The following WDR70 variants were observed in gnomAD, a reference collection of about 807,000 sequenced individuals.
WDR70 encodes the protein WD repeat domain 70.
WDR70 carries 53 observed loss-of-function variants against 88.6 expected under a neutral mutation model. The observed-to-expected ratio is 0.60, with a 90% CI of 0.48 to 0.75. The LOEUF (loss-of-function observed/expected upper bound fraction) is 0.75. WDR70 is among the 30% of genes least tolerant of loss of function. The pLI is 0.00. For missense variants in WDR70, 610 were observed against 823.2 expected (o/e 0.74, Z 3.17); for synonymous variants, 280 against 270.0 (o/e 1.04, Z -0.36).
intron 10 of WDR70, among the ~76,000 whole-genome samples, chr5:37,650,017 G>A (rs1745354427): frequency 1.9e-5 from 1 of 53,068 alleles, no homozygotes; most frequent in African/African-American, 3.7e-5. Flanking sequence ...GATTACAGGC[G>A]TGAGCCACTG....
chr5:37,721,189 C>G lies in WDR70; in HGVS notation c.1491C>G (p.Val497=). The change falls in exon 14 of 18, where the codon GTC becomes GTG. Residue 497 remains valine (V), a synonymous_variant. Transcript: ENST00000265107. ...GAACTGGAAATGGATTGGCTAAAGT[C>G]TATTACGACCCCAACAAGAGTCAGA... The part of the protein sequence containing the change: ...MVGTGNGLAK[V]YYDPNKSQRG... 6.2e-7 allele frequency: 1 copy of G among 1,613,652 alleles called. No individual in the cohort carries two copies. The highest frequency in any genetic ancestry group is 1.1e-5 in the South Asian group (1 of 91,074).
chr5:37,712,270 C>T (rs143760427), intron 13 of WDR70, among the ~76,000 whole-genome samples: 4,794 of 152,230 alleles, frequency 0.031, 100 homozygotes, highest in Middle Eastern at 0.11. Context: ...GGATTACAGG[C>T]GAGAGCCACC....
intron 8 of WDR70, among the ~76,000 whole-genome samples, chr5:37,514,442 A>G (rs1303612053): frequency 1.4e-5 from 2 of 147,586 alleles, no homozygotes; most frequent in African/African-American, 5.0e-5. Flanking sequence ...GGTTTGTTAT[A>G]TAGGTAAATG....
intron 9 of WDR70, among the ~76,000 whole-genome samples, chr5:37,557,947 T>TTTGAAAACTCTTCAAAAGAGTA (rs1742348813): frequency 6.6e-6 from 1 of 151,202 alleles, no homozygotes; most frequent in African/African-American, 2.4e-5. Context: ...TGAATACTCT[T>TTTGAAAACTCTTCAAAAGAGTA]CAAAAGAGTA....
chr5:37,678,613 A>C (rs1420687797), intron 10 of WDR70, among the ~76,000 whole-genome samples: 1 of 152,154 alleles, frequency 6.6e-6, no homozygotes, highest in African/African-American at 2.4e-5. Context: ...TGTTAGTCTG[A>C]TGGGCTTCCC....
chr5:37,622,090 C>G (rs7380215), intron 10 of WDR70, among the ~76,000 whole-genome samples: 70,636 of 151,612 alleles, frequency 0.47, 17,921 homozygotes, highest in Non-Finnish European at 0.57. Context: ...TGGTCTATAT[C>G]TCTGTTTTGG....
intron 17 of WDR70, among the ~76,000 whole-genome samples, chr5:37,738,378 ATGCTTTTT>A (rs1748366841): frequency 6.6e-6 from 1 of 152,158 alleles, no homozygotes; most frequent in Non-Finnish European, 1.5e-5. Flanking sequence ...AGCTCACTTT[ATGCTTTTT>A]GAAGGAATCA....
At chr5:37,619,756 G>A (rs1744453363) in intron 10 of WDR70, among the ~76,000 whole-genome samples, 1 of 150,728 alleles carries the variant, frequency 6.6e-6, no homozygotes, top group African/African-American at 2.4e-5. Context: ...TTTTTGTTTT[G>A]TTTTGTTTTT....
At chr5:37,619,667 CT>C (rs1744450982) in intron 10 of WDR70, among the ~76,000 whole-genome samples, 1 of 152,076 alleles carries the variant, frequency 6.6e-6, no homozygotes, top group African/African-American at 2.4e-5. Flanking sequence ...TTCATTGCAA[CT>C]GGAGAAGTGA....
intron 8 of WDR70, among the ~76,000 whole-genome samples, chr5:37,487,627 A>ATATATTTTTTTTT (rs1317924512): frequency 1.4e-5 from 1 of 69,070 alleles, no homozygotes; most frequent in African/African-American, 5.0e-5. Context: ...ATATATATGT[A>ATATATTTTTTTTT]TTTTTTTTTT....
At chr5:37,643,838 T>C (rs1447959412) in intron 10 of WDR70, among the ~76,000 whole-genome samples, 1 of 152,116 alleles carries the variant, frequency 6.6e-6, no homozygotes, top group East Asian at 1.9e-4. Context: ...TGATTTTGTA[T>C]CTTGCAAGTT....
chr5:37,706,403 G>C (rs1747321741), intron 13 of WDR70, among the ~76,000 whole-genome samples: 1 of 152,110 alleles, frequency 6.6e-6, no homozygotes. Flanking sequence ...ATCTCATCTT[G>C]AATTGTAGCT....
intron 9 of WDR70, among the ~76,000 whole-genome samples, chr5:37,559,858 A>C (rs1193011698): frequency 3.3e-5 from 5 of 152,056 alleles, no homozygotes; most frequent in African/African-American, 9.7e-5. Flanking sequence ...AAAAAAAAAA[A>C]AACTTTTTGA....
chr5:37,659,389 A>G (rs960393485), intron 10 of WDR70, among the ~76,000 whole-genome samples: 1 of 151,970 alleles, frequency 6.6e-6, no homozygotes, highest in African/African-American at 2.4e-5. Flanking sequence ...TCAGTTTCCA[A>G]TAGATTTTGT....
At chr5:37,602,963 C>T (rs28876205) in intron 9 of WDR70, among the ~76,000 whole-genome samples, 16,759 of 151,414 alleles carry the variant, frequency 0.11, 2,987 homozygotes, top group African/African-American at 0.38. Flanking sequence ...GGCGATAGAG[C>T]GAGACTGTCT....
chr5:37,676,143 A>G (rs555086392), intron 10 of WDR70, among the ~76,000 whole-genome samples: 162 of 150,492 alleles, frequency 1.1e-3, no homozygotes, highest in African/African-American at 3.8e-3. Flanking sequence ...GGCTGAGACA[A>G]TGGGGTTTTC....
chr5:37,679,335 G>A (rs1342685693), intron 10 of WDR70, among the ~76,000 whole-genome samples: 3 of 151,592 alleles, frequency 2.0e-5, no homozygotes, highest in Non-Finnish European at 4.4e-5. Context: ...CAGTTTTTCT[G>A]CTCTGTTTTT....
chr5:37,701,237 C>A, intron 12 of WDR70, 95 bp downstream of exon 12: 2 of 786,916 alleles, frequency 2.5e-6, no homozygotes, highest in Non-Finnish European at 4.0e-6. Flanking sequence ...TCTTTTAGAT[C>A]TTCTGGAAAA....
intron 9 of WDR70, among the ~76,000 whole-genome samples, chr5:37,564,399 C>T (rs1007441029): frequency 7.2e-5 from 11 of 152,244 alleles, no homozygotes; most frequent in Middle Eastern, 3.4e-3. Flanking sequence ...TGGCGGCTTG[C>T]GCCTGCAATC....
Sources: allele counts gnomAD v4.1 joint callset (sites outside exome capture counted in the v4.1 genomes callset), GRCh38; gene constraint gnomAD v4.1.1; transcripts MANE v1.5; gene names NCBI Gene and HGNC (gene_info 2026-07-23, HGNC 2026-07-21).